NRXN1: variants seen among roughly 807,000 people sequenced by gnomAD.
The protein encoded by NRXN1 is neurexin-1.
NRXN1 carries 39 observed loss-of-function variants against 150.9 expected under a neutral mutation model. The observed-to-expected ratio is 0.26, with a 90% confidence interval of 0.20 to 0.34. The LOEUF is 0.34. NRXN1 is among the 10% of genes least tolerant of loss of function. NRXN1 has a pLI of 1.00. For missense variants in NRXN1, 1,815 were observed against 1,949.9 expected (o/e 0.93, Z 1.30); for synonymous variants, 924 against 757.0 (o/e 1.22, Z -3.62).
chr2:50,609,776 C>G (rs1462494989), intron 8 of NRXN1, among the ~76,000 whole-genome samples: 1 of 152,130 alleles, frequency 6.6e-6, no homozygotes, highest in Non-Finnish European at 1.5e-5. Context: ...GGGCAATTCA[C>G]TTACTATGAC....
intron 5 of NRXN1, among the ~76,000 whole-genome samples, chr2:50,750,981 C>G: frequency 6.6e-6 from 1 of 151,808 alleles, no homozygotes; most frequent in East Asian, 1.9e-4. Context: ...GCAATAAGAA[C>G]AAATTTTGAA....
chr2:50,653,163 C>A (rs1461470015), intron 5 of NRXN1, among the ~76,000 whole-genome samples: 1 of 151,946 alleles, frequency 6.6e-6, no homozygotes. Context: ...GTTACTGATA[C>A]CATATGTTAA....
intron 5 of NRXN1, among the ~76,000 whole-genome samples, chr2:50,769,484 T>C (rs1481101701): frequency 1.3e-5 from 2 of 152,078 alleles, no homozygotes. Context: ...ATTCACAGGT[T>C]AGAGGAGGTT....
intron 5 of NRXN1, among the ~76,000 whole-genome samples, chr2:50,710,892 C>G (rs1260555235): frequency 2.0e-5 from 3 of 152,096 alleles, no homozygotes; most frequent in East Asian, 3.9e-4. Context: ...TATTAACTAC[C>G]TTTCTGTTTG....
chr2:51,022,969 C>T (rs1330782266), intron 2 of NRXN1, among the ~76,000 whole-genome samples: 1 of 152,180 alleles, frequency 6.6e-6, no homozygotes, highest in Admixed American at 6.5e-5. Flanking sequence ...GTACAATCCA[C>T]ATAAAGGGTT....
At chr2:50,581,968 A>C (rs375560084) in intron 8 of NRXN1, among the ~76,000 whole-genome samples, 2 of 152,154 alleles carry the variant, frequency 1.3e-5, no homozygotes, top group African/African-American at 4.8e-5. Flanking sequence ...TATACATAGT[A>C]ATATTTCACT....
At chr2:50,234,200 A>C (rs781041321) in intron 18 of NRXN1, among the ~76,000 whole-genome samples, 3 of 152,096 alleles carry the variant, frequency 2.0e-5, no homozygotes, top group East Asian at 1.9e-4. Flanking sequence ...ATATGCTTAA[A>C]ACATGGAAAA....
intron 15 of NRXN1, among the ~76,000 whole-genome samples, chr2:50,478,656 A>G (rs1435122090): frequency 6.6e-6 from 1 of 152,168 alleles, no homozygotes; most frequent in Non-Finnish European, 1.5e-5. Flanking sequence ...ATAACCATAA[A>G]TTATTATCTT....
intron 20 of NRXN1, 48 bp from the exon 21 acceptor site, chr2:50,053,638 T>C: frequency 1.9e-6 from 3 of 1,560,462 alleles, no homozygotes; most frequent in African/African-American, 1.4e-5. Context: ...TTGTGAACTC[T>C]ATATCTACAA....
chr2:50,829,584 T>C (rs547279456), intron 5 of NRXN1: 2 of 1,611,890 alleles, frequency 1.2e-6, no homozygotes, highest in Non-Finnish European at 1.7e-6. Flanking sequence ...CATGTAGCCA[T>C]CGTCTGTGCT....
intron 18 of NRXN1, among the ~76,000 whole-genome samples, chr2:50,162,776 A>G (rs2059438740): frequency 6.6e-6 from 1 of 152,134 alleles, no homozygotes. Context: ...AACCTTAATC[A>G]GATATTATTT....
At chr2:50,353,032 T>G (rs771365146) in intron 17 of NRXN1, among the ~76,000 whole-genome samples, 17 of 151,720 alleles carry the variant, frequency 1.1e-4, no homozygotes, top group South Asian at 2.1e-4. Context: ...TCAGAGGGAG[T>G]GCTGGGGATC....
At chr2:50,767,080 C>T (rs1702466911) in intron 5 of NRXN1, among the ~76,000 whole-genome samples, 1 of 151,948 alleles carries the variant, frequency 6.6e-6, no homozygotes, top group Admixed American at 6.6e-5. Context: ...ACAAGGAGCC[C>T]CGTATGCTGA....
intron 5 of NRXN1, among the ~76,000 whole-genome samples, chr2:50,812,903 C>T (rs183663397): frequency 1.3e-5 from 2 of 151,656 alleles, no homozygotes; most frequent in African/African-American, 4.8e-5. Context: ...TTGTTTGATA[C>T]TTTTGTAATC....
intron 18 of NRXN1, among the ~76,000 whole-genome samples, chr2:50,183,817 G>T (rs1323479108): frequency 6.6e-6 from 1 of 151,618 alleles, no homozygotes; most frequent in Non-Finnish European, 1.5e-5. Context: ...CTGATACAAT[G>T]GATTTAGATT....
chr2:50,808,099 T>C (rs1667740948), intron 5 of NRXN1, among the ~76,000 whole-genome samples: 1 of 152,080 alleles, frequency 6.6e-6, no homozygotes, highest in South Asian at 2.1e-4. Flanking sequence ...CTTTTATAAC[T>C]ATGAGTGAGG....
chr2:50,599,826 A>T (rs1230585097), intron 8 of NRXN1, among the ~76,000 whole-genome samples: 1 of 152,208 alleles, frequency 6.6e-6, no homozygotes, highest in East Asian at 1.9e-4. Context: ...TAGAAATTTA[A>T]TGCATTTTTA....
At chr2:50,891,048 G>C (rs1680979840) in intron 5 of NRXN1, among the ~76,000 whole-genome samples, 1 of 151,944 alleles carries the variant, frequency 6.6e-6, no homozygotes, top group African/African-American at 2.4e-5. Context: ...TAGGGGCTTA[G>C]ATTTTTACTT....
chr2:50,288,320 G>A (rs1914520), intron 17 of NRXN1, among the ~76,000 whole-genome samples: 28,883 of 151,910 alleles, frequency 0.19, 2,928 homozygotes, highest in East Asian at 0.38. Context: ...AGTAGGTAAA[G>A]GCCAGGGATG....
Sources: allele counts gnomAD v4.1 joint callset (sites outside exome capture counted in the v4.1 genomes callset), GRCh38; gene constraint gnomAD v4.1.1; transcripts MANE v1.5; gene names NCBI Gene and HGNC (gene_info 2026-07-23, HGNC 2026-07-21).